PARD3: variants seen among roughly 807,000 people sequenced by gnomAD.
PARD3 encodes par-3 family cell polarity regulator.
Under a neutral mutation model 155.4 loss-of-function variants are expected in PARD3, and 75 were observed. The ratio of observed to expected loss-of-function variants is 0.48; its 90% CI spans 0.40 to 0.58. The LOEUF (loss-of-function observed/expected upper bound fraction) is 0.58. Ranked by LOEUF, PARD3 falls within the 20% of genes least tolerant of loss-of-function variation. PARD3 has a pLI of 0.00. For synonymous variants in PARD3, 576 were observed against 610.5 expected (o/e 0.94, Z 0.83); for missense variants, 1,642 against 1,721.7 (o/e 0.95, Z 0.82).
chr10:34,744,031 A>C (rs1835005892), intron 1 of PARD3, among the ~76,000 whole-genome samples: 1 of 152,194 alleles, frequency 6.6e-6, no homozygotes, highest in Non-Finnish European at 1.5e-5. Flanking sequence ...CCCGTGAAAG[A>C]AGCAACAAAC....
intron 1 of PARD3, among the ~76,000 whole-genome samples, chr10:34,728,971 C>G (rs535339849): frequency 2.4e-4 from 36 of 152,282 alleles, no homozygotes; most frequent in African/African-American, 7.0e-4. Context: ...TTTAGAAACA[C>G]AACTATGTAC....
chr10:34,237,258 C>T (rs1372981776), intron 22 of PARD3, among the ~76,000 whole-genome samples: 9 of 152,130 alleles, frequency 5.9e-5, no homozygotes, highest in African/African-American at 1.9e-4. Context: ...TTTGTTTAAG[C>T]ACTACACTGC....
intron 22 of PARD3, among the ~76,000 whole-genome samples, chr10:34,177,865 CGT>C (rs1422978724): frequency 2.0e-5 from 3 of 152,166 alleles, no homozygotes; most frequent in African/African-American, 7.2e-5. Context: ...ATCTGCTGCA[CGT>C]GTGTTTCTTT....
At position 34,752,944 on chromosome 10, in the gene PARD3, T is replaced by A. The variant is rs956388145; in HGVS notation, c.121-56525A>T. Among the ~76,000 whole-genome samples the A allele has an allele frequency of 2.2e-5, 3 of 139,238 alleles. No homozygotes were observed. The East Asian group carries it at 8.0e-4, about 37-fold the overall frequency. 91.3% of individuals were successfully genotyped at this position (139,238 alleles called of 152,430 possible). A position where few individuals can be genotyped will look rare whatever the true frequency, so the allele number is the denominator to read the frequency against. On this transcript the variant is annotated intron_variant, in intron 1 of 24. Transcript: ENST00000374788. ...ACAGAGATTGGTCTCAAAGTCTGAGTGGAAATTCTCTTTTTCTAAAACTAC... is the reference window on the plus strand; with the variant it reads ...ACAGAGATTGGTCTCAAAGTCTGAGAGGAAATTCTCTTTTTCTAAAACTAC...
At chr10:34,620,034 C>T (rs548061864) in intron 2 of PARD3, among the ~76,000 whole-genome samples, 1 of 152,274 alleles carries the variant, frequency 6.6e-6, no homozygotes, top group East Asian at 1.9e-4. Flanking sequence ...ACACCACCAC[C>T]ACCTCCTCCT....
chr10:34,379,509 A>G (rs1841608275), intron 9 of PARD3, among the ~76,000 whole-genome samples: 1 of 152,114 alleles, frequency 6.6e-6, no homozygotes, highest in African/African-American at 2.4e-5. Context: ...TGAAACTCTA[A>G]TGACTTGCAA....
chr10:34,323,996 C>T (rs1317885095), intron 19 of PARD3, among the ~76,000 whole-genome samples: 1 of 152,214 alleles, frequency 6.6e-6, no homozygotes, highest in Non-Finnish European at 1.5e-5. Flanking sequence ...ATTCCTAACC[C>T]TACAGTTGGA....
chr10:34,808,916 A>G (rs1484911320), intron 1 of PARD3, among the ~76,000 whole-genome samples: 1 of 152,192 alleles, frequency 6.6e-6, no homozygotes. Context: ...ATCTCAACTG[A>G]CGGAATCAGA....
intron 2 of PARD3, among the ~76,000 whole-genome samples, chr10:34,549,660 C>T (rs1384410513): frequency 5.9e-5 from 9 of 152,130 alleles, no homozygotes; most frequent in African/African-American, 2.2e-4. Flanking sequence ...CACTCAATTA[C>T]ACATTGGCTA....
intron 9 of PARD3, 93 bp downstream of exon 9, chr10:34,382,447 G>T: frequency 7.5e-7 from 1 of 1,329,658 alleles, no homozygotes; most frequent in Non-Finnish European, 1.0e-6. Context: ...CTTTGGGTTA[G>T]TAGGTTGACT....
chr10:34,658,352 G>A (rs914355821), intron 2 of PARD3, among the ~76,000 whole-genome samples: 16 of 152,070 alleles, frequency 1.1e-4, no homozygotes, highest in Admixed American at 7.9e-4. Context: ...GGTCAGGATC[G>A]AGTAAGGAAA....
chr10:34,630,414 C>T (rs549995278), intron 2 of PARD3, among the ~76,000 whole-genome samples: 1 of 151,926 alleles, frequency 6.6e-6, no homozygotes, highest in South Asian at 2.1e-4. Flanking sequence ...ACCAGAGCAT[C>T]CTAGTCCACC....
intron 2 of PARD3, among the ~76,000 whole-genome samples, chr10:34,627,995 A>G (rs997534930): frequency 3.3e-5 from 5 of 152,136 alleles, no homozygotes; most frequent in African/African-American, 1.2e-4. Context: ...TCTAAAGCCC[A>G]GGCAGAAGAG....
chr10:34,765,512 T>C (rs547782285), intron 1 of PARD3, among the ~76,000 whole-genome samples: 1 of 152,164 alleles, frequency 6.6e-6, no homozygotes, highest in South Asian at 2.1e-4. Flanking sequence ...ACCCCGTCTC[T>C]ACTAAAAATA....
In PARD3 at chr10:34,591,215, C is replaced by G. The variant is rs140028086; in HGVS notation, c.223-74056G>C. ...GGAATACCAATTTGTGAGCCTGGAC[C>G]TGCTTGCCAATAATAAATAAATCTT... On this transcript the variant is annotated intron_variant, in intron 2 of 24. Coordinates refer to ENST00000374788, the MANE Select transcript of PARD3 (RefSeq NM_001184785.2). Among the ~76,000 whole-genome samples, 1,267 of 152,214 alleles carry G rather than the reference C, an allele frequency of 8.3e-3. 8 individuals carry two copies. The highest frequency in any genetic ancestry group is 0.024 in the Middle Eastern group (7 of 294).
In PARD3 at chr10:34,544,485, G is replaced by GTTACATAA. The variant is rs200163245; in HGVS notation, c.223-27334_223-27327dup. On this transcript the variant is annotated intron_variant, in intron 2 of 24. Transcript: ENST00000374788. ...TACTCAGGGGGTTTAAAAAGAAAGG[G>GTTACATAA]TTACATAATGTATTGGCTCAAAATA... Among the ~76,000 whole-genome samples, 1,293 of 152,174 alleles carry GTTACATAA rather than the reference G, an allele frequency of 8.5e-3. 13 individuals are homozygous for GTTACATAA. Among genetic ancestry groups the GTTACATAA allele is most frequent in the Middle Eastern group, 0.027 (8 of 294 alleles).
chr10:34,331,026 G>A, intron 19 of PARD3, 91 bp downstream of exon 19: 3 of 878,918 alleles, frequency 3.4e-6, no homozygotes, highest in Non-Finnish European at 5.4e-6. Context: ...TTACCCTGAA[G>A]AATCTTAGAA....
chr10:34,621,827 C>A (rs1022524767), intron 2 of PARD3, among the ~76,000 whole-genome samples: 1 of 152,058 alleles, frequency 6.6e-6, no homozygotes, highest in Non-Finnish European at 1.5e-5. Flanking sequence ...CTTCATAGTA[C>A]CAAAACTGAA....
intron 3 of PARD3, among the ~76,000 whole-genome samples, chr10:34,470,827 TAACA>T (rs1198199067): frequency 1.3e-5 from 2 of 152,174 alleles, no homozygotes; most frequent in Admixed American, 1.3e-4. Flanking sequence ...TCTATATAGT[TAACA>T]AATAATTTAT....
Sources: allele counts gnomAD v4.1 joint callset (sites outside exome capture counted in the v4.1 genomes callset), GRCh38; gene constraint gnomAD v4.1.1; transcripts MANE v1.5; gene names NCBI Gene and HGNC (gene_info 2026-07-23, HGNC 2026-07-21).